The following RASSF6 variants were observed in gnomAD, a reference collection of about 807,000 sequenced individuals.
RASSF6 encodes Ras association domain family member 6.
RASSF6 carries 52 observed loss-of-function variants against 44.0 expected under a neutral mutation model. That is an observed-to-expected ratio of 1.18 (90% CI 0.95 to 1.49). RASSF6 has a LOEUF of 1.49. RASSF6 is among the 40% of genes most tolerant of loss of function. The pLI, the probability that RASSF6 is intolerant of heterozygous loss-of-function variation, is 0.00. For synonymous variants in RASSF6, 162 were observed against 124.6 expected (o/e 1.30, Z -2.00); for missense variants, 464 against 393.3 (o/e 1.18, Z -1.52).
intron 1 of RASSF6, among the ~76,000 whole-genome samples, chr4:73,618,919 C>T (rs972586742): frequency 1.2e-4 from 19 of 152,132 alleles, no homozygotes; most frequent in African/African-American, 4.6e-4. Context: ...ACAACATTGA[C>T]AAAAGTGCCC....
intron 6 of RASSF6, among the ~76,000 whole-genome samples, chr4:73,582,545 C>A (rs1202107747): frequency 2.0e-5 from 3 of 152,040 alleles, no homozygotes; most frequent in Non-Finnish European, 4.4e-5. Flanking sequence ...GACAATTACA[C>A]CCCTCTTTAG....
intron 4 of RASSF6, 50 bp from the exon 5 acceptor site, chr4:73,587,984 C>A: frequency 1.7e-6 from 2 of 1,203,442 alleles, no homozygotes; most frequent in African/African-American, 1.5e-5. Flanking sequence ...TATATTGAAG[C>A]CTATGATGGT....
chr4:73,576,710 G>A lies in RASSF6; in HGVS notation c.743C>T (p.Thr248Ile), dbSNP rs1458690739. Reference protein sequence around the residue: ...ATGEQRRLKKTDIPLLQRLLQ... With the variant: ...ATGEQRRLKKIDIPLLQRLLQ... ...GAGCCTCTGCAGTAGCGGAATGTCT[G>A]TCTTCTTTAGTCGTCTTTGTTCTGC... Residue 248 changes from threonine (T) to isoleucine (I), a missense_variant, in exon 9 of 11, where the codon ACA becomes ATA. Thr to Ile is a moderately conservative substitution (Grantham distance 89). Coordinates refer to ENST00000307439, the MANE Select transcript of RASSF6 (RefSeq NM_177532.5). The A allele has an allele frequency of 6.2e-7, 1 of 1,609,438 alleles. No homozygotes were observed. The highest frequency in any genetic ancestry group is 8.5e-7 in the Non-Finnish European group (1 of 1,176,558).
At chr4:73,581,755 C>A in intron 8 of RASSF6, 62 bp downstream of exon 8, 1 of 1,103,712 alleles carries the variant, frequency 9.1e-7, no homozygotes, top group Non-Finnish European at 1.4e-6. Context: ...TTCTGCCTTC[C>A]CCCTGGGCAG....
chr4:73,588,141 A>G (rs1267015518), intron 4 of RASSF6, among the ~76,000 whole-genome samples: 1 of 152,108 alleles, frequency 6.6e-6, no homozygotes, highest in Non-Finnish European at 1.5e-5. Flanking sequence ...CTGTACTTTT[A>G]TAGAGCATAT....
rs180773625 is a variant in RASSF6 at position 73,620,278 on chromosome 4, C to T, written c.-35+10G>A. ...ATTAGAAAGTTTTTTTCCCCATCCC[C>T]ATTTTTTACCTGTTATTCACACTGT... On this transcript the variant is annotated intron_variant, in intron 1 of 10. Transcript: ENST00000307439. The T allele has an allele frequency of 2.9e-6, 4 of 1,402,200 alleles. No individual in the cohort carries two copies. The East Asian group carries it at 1.1e-4, about 40-fold the overall frequency. The allele number at this position is 1,402,200 out of a possible 1,614,324, so 86.9% of individuals were successfully genotyped here.
Position 73,576,240 on chromosome 4 carries a change from C to T in RASSF6, c.1009G>A (p.Val337Ile), listed in dbSNP as rs1487027808. Residue 337 changes from valine (V) to isoleucine (I), a missense_variant, in exon 11 of 11, where the codon GTT becomes ATT. Coordinates refer to ENST00000307439, the MANE Select transcript of RASSF6 (RefSeq NM_177532.5). ...NKLVIKTETT[V>I] The stretch of plus-strand genomic sequence containing the variant: ...AGCAATAGAAGCTTGTACTGCTAAA[C>T]TGTTGTCTCTGTTTTTATTACTAGT... 3.9e-6 allele frequency: 6 copies of T among 1,538,296 alleles called. No homozygotes were observed. Among genetic ancestry groups the T allele is most frequent in the East Asian group, 2.3e-5 (1 of 44,416 alleles).
chr4:73,595,481 G>A (rs1280895480), intron 3 of RASSF6, among the ~76,000 whole-genome samples: 2 of 152,140 alleles, frequency 1.3e-5, no homozygotes, highest in African/African-American at 4.8e-5. Flanking sequence ...TTATAGGCAT[G>A]AGCCACAGCA....
At chr4:73,577,066 A>G (rs755456821) in intron 8 of RASSF6, among the ~76,000 whole-genome samples, 1 of 152,080 alleles carries the variant, frequency 6.6e-6, no homozygotes, top group Non-Finnish European at 1.5e-5. Context: ...CATACAACAA[A>G]TATTTATTGG....
rs987984694 is a variant in RASSF6 at position 73,575,392 on chromosome 4, C to T, written c.*843G>A. 2.6e-4 allele frequency: 40 copies of T among 151,754 alleles called. No individual in the cohort carries two copies. The highest frequency in any genetic ancestry group is 7.8e-4 in the African/African-American group (32 of 41,270). 9.4% of individuals were successfully genotyped at this position (151,754 alleles called of 1,614,324 possible). On this transcript the variant is annotated 3_prime_UTR_variant, in exon 11 of 11. Transcript: ENST00000307439. ...CTAAGAGGGCAGAGTTTGGGATTCC[C>T]TATGTAACTTCAGCTACAACAGCCT...
rs1037688955 is a variant in RASSF6 at position 73,572,716 on chromosome 4, T to G, written c.*3519A>C. The stretch of plus-strand genomic sequence containing the variant: ...AAATTTTTTGCATTTGGTAGAACTC[T>G]GTGCTTGCATGTGCTTGTTACTTTT... On this transcript the variant is annotated 3_prime_UTR_variant, in exon 11 of 11. Coordinates refer to ENST00000307439, the MANE Select transcript of RASSF6 (RefSeq NM_177532.5). 3 of 152,210 alleles carry G rather than the reference T, an allele frequency of 2.0e-5. No individual in the cohort carries two copies. The highest frequency in any genetic ancestry group is 7.2e-5 in the African/African-American group (3 of 41,458). The allele number at this position is 152,210 out of a possible 1,614,324, so 9.4% of individuals were successfully genotyped here.
At chr4:73,597,306 TG>T (rs2149384199) in intron 3 of RASSF6, among the ~76,000 whole-genome samples, 1 of 152,242 alleles carries the variant, frequency 6.6e-6, no homozygotes, top group African/African-American at 2.4e-5. Context: ...CATTAAAAAG[TG>T]GGCAAAGGAC....
chr4:73,602,032 T>A (rs1451367880), intron 2 of RASSF6, among the ~76,000 whole-genome samples: 1 of 152,080 alleles, frequency 6.6e-6, no homozygotes, highest in East Asian at 1.9e-4. Context: ...AAAAGAAGAA[T>A]GTAAAGAGTT....
chr4:73,604,754 A>G (rs182147422), intron 2 of RASSF6, among the ~76,000 whole-genome samples: 1 of 152,324 alleles, frequency 6.6e-6, no homozygotes, highest in Admixed American at 6.5e-5. Flanking sequence ...AATAACTACA[A>G]AATATTAAAG....
At chr4:73,586,746 G>T (rs1187066928) in intron 5 of RASSF6, among the ~76,000 whole-genome samples, 1 of 151,608 alleles carries the variant, frequency 6.6e-6, no homozygotes, top group Non-Finnish European at 1.5e-5. Context: ...GGATTTCCTT[G>T]GGTTTCATAT....
Position 73,578,023 on chromosome 4 carries a change from C to G in RASSF6, c.722-1292G>C, listed in dbSNP as rs918015215. Among the ~76,000 whole-genome samples the G allele has an allele frequency of 2.1e-5, 3 of 142,748 alleles. No homozygotes were observed. The Admixed American group carries it at 2.2e-4, about 10-fold the overall frequency. 93.6% of individuals were successfully genotyped at this position (142,748 alleles called of 152,430 possible). ...ACTGCCCAAACAGGAGCCATATGCT[C>G]TCTTCTGACCTAGTTATTATTATCT... is the stretch of plus-strand genomic sequence containing the variant. On this transcript the variant is annotated intron_variant, in intron 8 of 10. Transcript: ENST00000307439.
chr4:73,593,019 A>ATTTTT (rs11287305), intron 4 of RASSF6, among the ~76,000 whole-genome samples: 8 of 133,656 alleles, frequency 6.0e-5, no homozygotes, highest in Non-Finnish European at 9.6e-5. Context: ...AGTTGCTGGG[A>ATTTTT]TTTTTTTTTT....
Position 73,585,664 on chromosome 4 carries a change from T to A in RASSF6, c.383-300A>T, listed in dbSNP as rs560064775. ...CCTTTAATCTTAATTTATTGGGGAG[T>A]GCATTTTGTGGCATTTCAGAGTGTT... On this transcript the variant is annotated intron_variant, in intron 5 of 10. Coordinates refer to ENST00000307439, the MANE Select transcript of RASSF6 (RefSeq NM_177532.5). 3.3e-5 allele frequency among the ~76,000 whole-genome samples: 5 copies of A among 151,886 alleles called. No homozygotes were observed. In the South Asian group the frequency reaches 1.0e-3, roughly 32 times the overall value.
chr4:73,598,105 C>T (rs939715094), intron 3 of RASSF6, among the ~76,000 whole-genome samples: 1 of 152,058 alleles, frequency 6.6e-6, no homozygotes, highest in Admixed American at 6.6e-5. Context: ...CACTTGTACC[C>T]CTGAACTTAA....
Sources: allele counts gnomAD v4.1 joint callset (sites outside exome capture counted in the v4.1 genomes callset), GRCh38; gene constraint gnomAD v4.1.1; transcripts MANE v1.5; gene names NCBI Gene and HGNC (gene_info 2026-07-23, HGNC 2026-07-21).